The following ITGBL1 variants were observed in gnomAD, a reference collection of about 807,000 sequenced individuals.
ITGBL1 encodes integrin subunit beta like 1.
ITGBL1 carries 51 observed loss-of-function variants against 68.5 expected under a neutral mutation model. The observed-to-expected ratio is 0.74, with a 90% confidence interval of 0.59 to 0.94. The LOEUF (loss-of-function observed/expected upper bound fraction) is 0.94, where lower values mean the gene tolerates loss of function less well. ITGBL1 is among the 40% of genes least tolerant of loss of function. The probability of loss-of-function intolerance (pLI) is 0.00; values close to 1 mark genes in which losing one functional copy is unlikely to be tolerated. For missense variants in ITGBL1, 649 were observed against 647.4 expected, an observed-to-expected ratio of 1.00 and a Z score of -0.03; for synonymous variants, 209 against 227.3, an observed-to-expected ratio of 0.92 and a Z score of 0.72.
At chr13:101,531,269 A>G (rs1366041276) in intron 2 of ITGBL1, among the ~76,000 whole-genome samples, 1 of 152,164 alleles carries the variant, frequency 6.6e-6, no homozygotes, top group Non-Finnish European at 1.5e-5. Context: ...TTTACATGAT[A>G]TGTTTTCGGG....
intron 2 of ITGBL1, among the ~76,000 whole-genome samples, chr13:101,495,308 C>T (rs995416237): frequency 3.9e-5 from 6 of 152,212 alleles, no homozygotes; most frequent in Admixed American, 2.6e-4. Flanking sequence ...CTGAGCTGGC[C>T]GTTGTCGTAG....
intron 7 of ITGBL1, among the ~76,000 whole-genome samples, chr13:101,657,826 T>TAA (rs1279500066): frequency 6.6e-6 from 1 of 152,192 alleles, no homozygotes; most frequent in African/African-American, 2.4e-5. Flanking sequence ...TGACCTCTCT[T>TAA]TAATAATCTA....
chr13:101,546,869 T>A (rs9557699), intron 2 of ITGBL1, among the ~76,000 whole-genome samples: 2 of 151,862 alleles, frequency 1.3e-5, no homozygotes, highest in Middle Eastern at 3.4e-3. Context: ...TTTTCATATC[T>A]TACTGAAGAT....
intron 2 of ITGBL1, among the ~76,000 whole-genome samples, chr13:101,469,001 T>G (rs977261756): frequency 5.9e-5 from 9 of 152,246 alleles, no homozygotes; most frequent in African/African-American, 2.2e-4. Flanking sequence ...ATCTACATAT[T>G]TGTTATTTCC....
At chr13:101,709,011 A>G (rs1250493581) in intron 9 of ITGBL1, among the ~76,000 whole-genome samples, 3 of 152,234 alleles carry the variant, frequency 2.0e-5, no homozygotes, top group Non-Finnish European at 4.4e-5. Context: ...GACAACCAAA[A>G]AGAAGGAAAG....
intron 2 of ITGBL1, among the ~76,000 whole-genome samples, chr13:101,509,718 G>A (rs796980497): frequency 3.3e-5 from 5 of 152,196 alleles, no homozygotes; most frequent in Middle Eastern, 3.4e-3. Flanking sequence ...GTCATCCTCC[G>A]TGTCTGATTC....
At chr13:101,539,530 A>G (rs958424950) in intron 2 of ITGBL1, among the ~76,000 whole-genome samples, 12 of 152,070 alleles carry the variant, frequency 7.9e-5, no homozygotes, top group African/African-American at 2.9e-4. Context: ...ATGTGTCTTT[A>G]TAGCAGGATG....
intron 2 of ITGBL1, among the ~76,000 whole-genome samples, chr13:101,542,717 T>A (rs1391087474): frequency 6.6e-6 from 1 of 152,222 alleles, no homozygotes. Flanking sequence ...CTCTAAGGAC[T>A]TGCTTTATGA....
intron 7 of ITGBL1, among the ~76,000 whole-genome samples, chr13:101,661,092 C>T (rs182230478): frequency 9.3e-5 from 14 of 150,746 alleles, no homozygotes; most frequent in Admixed American, 3.3e-4. Flanking sequence ...TAGGAATTAA[C>T]GGATATACAT....
At chr13:101,478,734 A>G (rs1177188175) in intron 2 of ITGBL1, among the ~76,000 whole-genome samples, 1 of 152,010 alleles carries the variant, frequency 6.6e-6, no homozygotes, top group African/African-American at 2.4e-5. Context: ...TACAACAGCT[A>G]CAAATAAAAT....
At chr13:101,646,557 G>T (rs2032565695) in intron 7 of ITGBL1, among the ~76,000 whole-genome samples, 1 of 152,104 alleles carries the variant, frequency 6.6e-6, no homozygotes, top group Non-Finnish European at 1.5e-5. Flanking sequence ...TAACTGGCCA[G>T]TGTGAATAAA....
intron 2 of ITGBL1, among the ~76,000 whole-genome samples, chr13:101,556,165 A>G (rs1457496864): frequency 1.3e-5 from 2 of 152,170 alleles, no homozygotes; most frequent in Non-Finnish European, 2.9e-5. Context: ...CGCAGAGATA[A>G]TGAGAGGTGT....
intron 2 of ITGBL1, among the ~76,000 whole-genome samples, chr13:101,459,547 A>T (rs1002348151): frequency 2.0e-5 from 3 of 152,078 alleles, no homozygotes; most frequent in Admixed American, 1.3e-4. Flanking sequence ...GTCTGAGACC[A>T]GCCTGGGGAA....
rs1324227222 is a variant in ITGBL1, at chr13:101,605,504, A to T, written c.1015+7205A>T. Among the ~76,000 whole-genome samples the T allele has an allele frequency of 2.2e-4, 7 of 32,214 alleles. 1 individual carries two copies. In the East Asian group the frequency reaches 0.011, roughly 50 times the overall value. 21.1% of individuals were successfully genotyped at this position (32,214 alleles called of 152,430 possible). A position where few individuals can be genotyped will look rare whatever the true frequency, so the allele number is the denominator to read the frequency against. On this transcript the variant is annotated intron_variant, in intron 7 of 10. Transcript: ENST00000376180. The stretch of plus-strand genomic sequence containing the variant: ...TATATACACATATATAGACATGTAT[A>T]TGCGTATACACATATAGACATATGT...
chr13:101,701,776 G>A (rs1390087664), intron 8 of ITGBL1, among the ~76,000 whole-genome samples: 1 of 151,980 alleles, frequency 6.6e-6, no homozygotes, highest in Non-Finnish European at 1.5e-5. Context: ...ACTTATATAG[G>A]TACCTAGAGT....
intron 6 of ITGBL1, among the ~76,000 whole-genome samples, chr13:101,596,832 G>A (rs561997043): frequency 6.6e-6 from 1 of 152,200 alleles, no homozygotes; most frequent in South Asian, 2.1e-4. Flanking sequence ...TACATATACT[G>A]TATGACTCCA....
intron 3 of ITGBL1, among the ~76,000 whole-genome samples, chr13:101,570,324 T>G (rs558654666): frequency 1.1e-3 from 166 of 152,274 alleles, no homozygotes; most frequent in African/African-American, 3.8e-3. Flanking sequence ...TTTTGTTTTG[T>G]TTTTGCAATT....
chr13:101,622,209 G>A (rs2031610476), intron 7 of ITGBL1, among the ~76,000 whole-genome samples: 1 of 152,104 alleles, frequency 6.6e-6, no homozygotes, highest in African/African-American at 2.4e-5. Context: ...CATTAAGTGA[G>A]TACTTATAGA....
chr13:101,497,732 CACGCT>C (rs1441746960), intron 2 of ITGBL1, among the ~76,000 whole-genome samples: 1 of 152,210 alleles, frequency 6.6e-6, no homozygotes, highest in East Asian at 1.9e-4. Flanking sequence ...GTGACCATGT[CACGCT>C]CCTTAAGGGC....
Sources: gnomAD v4.1 joint callset for allele counts (sites outside exome capture counted in the v4.1 genomes callset) on GRCh38, gnomAD v4.1.1 for gene constraint, MANE v1.5 for transcripts, NCBI Gene and HGNC (gene_info 2026-07-23, HGNC 2026-07-21) for gene names.